DLGAP4: variants seen among roughly 807,000 people sequenced by gnomAD.
The protein encoded by DLGAP4 is disks large-associated protein 4.
DLGAP4 carries 18 observed loss-of-function variants against 86.9 expected under a neutral mutation model. The observed-to-expected ratio is 0.21, with a 90% CI of 0.14 to 0.31. DLGAP4 has a LOEUF of 0.31. DLGAP4 is among the 10% of genes least tolerant of loss of function. DLGAP4 has a pLI of 1.00. For synonymous variants in DLGAP4, 548 were observed against 574.3 expected (o/e 0.95, Z 0.65); for missense variants, 1,085 against 1,362.6 (o/e 0.80, Z 3.21).
intron 1 of DLGAP4, among the ~76,000 whole-genome samples, chr20:36,355,282 TTTTC>T (rs199914581): frequency 0.02 from 2,958 of 151,682 alleles, 114 homozygotes; most frequent in African/African-American, 0.069. Context: ...TCTTGTTCTT[TTTTC>T]TTTCTTTCTT....
At chr20:36,430,041 C>T (rs568895744) in intron 2 of DLGAP4, among the ~76,000 whole-genome samples, 11 of 152,244 alleles carry the variant, frequency 7.2e-5, no homozygotes, top group Non-Finnish European at 1.2e-4. Flanking sequence ...CTCCCACGTA[C>T]AGGGCCGGTG....
intron 7 of DLGAP4, among the ~76,000 whole-genome samples, chr20:36,457,993 G>C (rs2033923518): frequency 6.6e-6 from 1 of 152,158 alleles, no homozygotes; most frequent in Non-Finnish European, 1.5e-5. Flanking sequence ...CCAGGCGGGG[G>C]GTGAGTGGTA....
chr20:36,465,173 C>G (rs2034291158), intron 7 of DLGAP4: 1 of 151,642 alleles, frequency 6.6e-6, no homozygotes, highest in African/African-American at 2.4e-5. Flanking sequence ...TCCCCCCCAC[C>G]CCCGCATGCC....
chr20:36,361,238 TA>T (rs1236828651), intron 1 of DLGAP4, among the ~76,000 whole-genome samples: 3 of 152,116 alleles, frequency 2.0e-5, no homozygotes, highest in Admixed American at 6.5e-5. Flanking sequence ...AGTGCTATTT[TA>T]AAAAAACTAT....
intron 1 of DLGAP4, among the ~76,000 whole-genome samples, chr20:36,331,373 C>T (rs541552065): frequency 9.2e-5 from 14 of 152,368 alleles, no homozygotes; most frequent in East Asian, 3.9e-4. Flanking sequence ...TCCAGCTCAC[C>T]GATGGCCTTG....
chr20:36,362,693 C>A (rs1296586690), intron 1 of DLGAP4, among the ~76,000 whole-genome samples: 2 of 152,222 alleles, frequency 1.3e-5, no homozygotes, highest in Admixed American at 1.3e-4. Flanking sequence ...AACTCTCTAC[C>A]CTTCGGGGCT....
At chr20:36,314,149 G>A (rs1395699979) in intron 1 of DLGAP4, among the ~76,000 whole-genome samples, 2 of 151,768 alleles carry the variant, frequency 1.3e-5, no homozygotes, top group Non-Finnish European at 1.5e-5. Context: ...GCAGAAGCGC[G>A]TGCAGAGGCG....
intron 7 of DLGAP4, among the ~76,000 whole-genome samples, chr20:36,492,023 T>G (rs1338563671): frequency 1.3e-5 from 2 of 152,104 alleles, no homozygotes; most frequent in African/African-American, 4.8e-5. Flanking sequence ...GAGACGGCAG[T>G]CGGGAGGCTC....
At chr20:36,419,894 T>C (rs1224944255) in intron 2 of DLGAP4, among the ~76,000 whole-genome samples, 11 of 152,278 alleles carry the variant, frequency 7.2e-5, no homozygotes, top group African/African-American at 2.4e-4. Flanking sequence ...GGGAGAGGGG[T>C]GTACACAAGG....
At chr20:36,459,619 T>A (rs568296341) in intron 7 of DLGAP4, among the ~76,000 whole-genome samples, 10 of 152,282 alleles carry the variant, frequency 6.6e-5, no homozygotes, top group Non-Finnish European at 8.8e-5. Flanking sequence ...TTAATTAATT[T>A]TTTTTGAAAC....
chr20:36,427,957 A>G (rs1051358083), intron 2 of DLGAP4, among the ~76,000 whole-genome samples: 4 of 152,176 alleles, frequency 2.6e-5, no homozygotes, highest in Non-Finnish European at 5.9e-5. Flanking sequence ...AAATAAAAAT[A>G]AAAAAGGGAA....
intron 10 of DLGAP4, among the ~76,000 whole-genome samples, chr20:36,521,824 GC>G (rs950485014): frequency 6.6e-6 from 1 of 152,080 alleles, no homozygotes; most frequent in African/African-American, 2.4e-5. Context: ...CTATTCCCTG[GC>G]AACAATTTCT....
intron 7 of DLGAP4, among the ~76,000 whole-genome samples, chr20:36,464,056 C>G (rs1309590490): frequency 1.3e-5 from 2 of 152,196 alleles, no homozygotes; most frequent in South Asian, 2.1e-4. Flanking sequence ...GACCTTTTTA[C>G]TGTGTACGCT....
At chr20:36,451,777 T>C (rs2033742302) in intron 7 of DLGAP4, among the ~76,000 whole-genome samples, 2 of 150,920 alleles carry the variant, frequency 1.3e-5, no homozygotes, top group Admixed American at 1.3e-4. Flanking sequence ...TTTTTTTTTT[T>C]TTTTTTGAGT....
intron 7 of DLGAP4, among the ~76,000 whole-genome samples, chr20:36,456,905 C>T (rs564974124): frequency 1.4e-3 from 208 of 152,326 alleles, no homozygotes; most frequent in African/African-American, 4.8e-3. Context: ...GGAGGCCCTA[C>T]GGCATGGTGG....
At chr20:36,450,992 T>C (rs1354855827) in intron 7 of DLGAP4, among the ~76,000 whole-genome samples, 1 of 152,194 alleles carries the variant, frequency 6.6e-6, no homozygotes, top group East Asian at 1.9e-4. Flanking sequence ...TCCATCAGCA[T>C]TTTTGGCCAC....
intron 1 of DLGAP4, among the ~76,000 whole-genome samples, chr20:36,359,020 A>G (rs552147537): frequency 6.6e-6 from 1 of 152,342 alleles, no homozygotes; most frequent in Non-Finnish European, 1.5e-5. Flanking sequence ...GAGAATGCTA[A>G]AAGCTACCTG....
chr20:36,513,677 C>T (rs1489821671), intron 10 of DLGAP4, among the ~76,000 whole-genome samples: 1 of 151,138 alleles, frequency 6.6e-6, no homozygotes, highest in Non-Finnish European at 1.5e-5. Flanking sequence ...ATTTAACAAT[C>T]TGTGTAAGAG....
chr20:36,414,278 G>A (rs1007839010), intron 2 of DLGAP4, among the ~76,000 whole-genome samples: 6 of 152,132 alleles, frequency 3.9e-5, no homozygotes, highest in Non-Finnish European at 8.8e-5. Context: ...ATGGGAAGGC[G>A]GAAAGATGAG....
Sources: allele counts gnomAD v4.1 joint callset (sites outside exome capture counted in the v4.1 genomes callset), GRCh38; gene constraint gnomAD v4.1.1; transcripts MANE v1.5; gene names NCBI Gene and HGNC (gene_info 2026-07-23, HGNC 2026-07-21).